WWTR1: variants seen among roughly 807,000 people sequenced by gnomAD.
WWTR1 encodes WW domain-containing transcription regulator protein 1.
Under a neutral mutation model 40.1 loss-of-function variants are expected in WWTR1, and 13 were observed. The observed-to-expected ratio is 0.32, with a 90% CI of 0.21 to 0.52. The LOEUF (loss-of-function observed/expected upper bound fraction) is 0.52. WWTR1 is among the 20% of genes least tolerant of loss of function. WWTR1 has a pLI of 0.97. For missense variants in WWTR1, 436 were observed against 523.1 expected (o/e 0.83, Z 1.63); for synonymous variants, 230 against 210.1 (o/e 1.09, Z -0.82).
chr3:149,651,250 G>T (rs1712846394), intron 2 of WWTR1, among the ~76,000 whole-genome samples: 1 of 152,164 alleles, frequency 6.6e-6, no homozygotes, highest in South Asian at 2.1e-4. Flanking sequence ...GATAAAAAAG[G>T]ACTTGAAAAA....
chr3:149,563,323 C>T (rs560442956), intron 3 of WWTR1, among the ~76,000 whole-genome samples: 78 of 152,302 alleles, frequency 5.1e-4, no homozygotes, highest in Middle Eastern at 3.4e-3. Flanking sequence ...GAATTCGTCA[C>T]GGTTTAGGCT....
At chr3:149,689,284 G>C (rs1714742799) in intron 1 of WWTR1, among the ~76,000 whole-genome samples, 1 of 151,134 alleles carries the variant, frequency 6.6e-6, no homozygotes, top group Non-Finnish European at 1.5e-5. Context: ...GGGAGGCTGA[G>C]GCAGGAAGAT....
chr3:149,568,883 C>T (rs1210860733), intron 3 of WWTR1, among the ~76,000 whole-genome samples: 1 of 152,226 alleles, frequency 6.6e-6, no homozygotes, highest in African/African-American at 2.4e-5. Flanking sequence ...TCTCCTGCCT[C>T]AGCCTCCCGA....
At chr3:149,604,283 C>CCA (rs1267455801) in intron 2 of WWTR1, among the ~76,000 whole-genome samples, 1 of 152,136 alleles carries the variant, frequency 6.6e-6, no homozygotes, top group Non-Finnish European at 1.5e-5. Context: ...TGTGACAGGG[C>CCA]CACCCCCTCA....
intron 2 of WWTR1, among the ~76,000 whole-genome samples, chr3:149,578,592 A>G (rs1392746568): frequency 6.6e-6 from 1 of 152,194 alleles, no homozygotes; most frequent in African/African-American, 2.4e-5. Flanking sequence ...GGCAAAGATA[A>G]AAATCTTATC....
intron 3 of WWTR1, among the ~76,000 whole-genome samples, chr3:149,563,751 T>C (rs999371840): frequency 6.6e-6 from 1 of 152,130 alleles, no homozygotes; most frequent in Non-Finnish European, 1.5e-5. Flanking sequence ...TTTTGTTTTG[T>C]TTTGTTTTGC....
chr3:149,543,406 C>A (rs1736214723), intron 3 of WWTR1, among the ~76,000 whole-genome samples: 1 of 151,572 alleles, frequency 6.6e-6, no homozygotes, highest in Admixed American at 6.6e-5. Flanking sequence ...CATGGTGAAA[C>A]CCCATCTCTA....
intron 2 of WWTR1, among the ~76,000 whole-genome samples, chr3:149,594,950 C>CCTTTTTTTTTTT (rs1738915943): frequency 1.6e-5 from 1 of 61,772 alleles, no homozygotes; most frequent in African/African-American, 5.5e-5. Context: ...CTCTTTTTTA[C>CCTTTTTTTTTTT]TTTTTTTTTT....
At chr3:149,554,642 A>G (rs909819573) in intron 3 of WWTR1, among the ~76,000 whole-genome samples, 1 of 151,996 alleles carries the variant, frequency 6.6e-6, no homozygotes, top group African/African-American at 2.4e-5. Context: ...TATCCAGGGA[A>G]GTCTAGGGAA....
chr3:149,520,707 G>T lies in WWTR1; in HGVS notation c.*98C>A. On this transcript the variant is annotated 3_prime_UTR_variant, in exon 7 of 7. Transcript: ENST00000360632. ...GAGGGAGCACGAGTCATGGAGGCGG[G>T]AAGTGGTGCACCTGCAGACTTGCTC... The T allele has an allele frequency of 8.6e-7, 1 of 1,169,394 alleles. No individual in the cohort carries two copies. The highest frequency in any genetic ancestry group is 1.1e-6 in the Non-Finnish European group (1 of 874,242). 72.4% of individuals were successfully genotyped at this position (1,169,394 alleles called of 1,614,324 possible).
chr3:149,652,956 A>G (rs1430197152), intron 2 of WWTR1, among the ~76,000 whole-genome samples: 1 of 152,190 alleles, frequency 6.6e-6, no homozygotes, highest in Admixed American at 6.5e-5. Context: ...CCTCCTGTAT[A>G]TTGGATTTGT....
chr3:149,580,886 A>T (rs550318384), intron 2 of WWTR1, among the ~76,000 whole-genome samples: 5 of 152,366 alleles, frequency 3.3e-5, no homozygotes, highest in Non-Finnish European at 7.3e-5. Flanking sequence ...TGCTGGGATT[A>T]TAGGCGTGAG....
intron 2 of WWTR1, among the ~76,000 whole-genome samples, chr3:149,617,979 A>T (rs1332735026): frequency 1.3e-5 from 2 of 152,242 alleles, no homozygotes; most frequent in African/African-American, 4.8e-5. Flanking sequence ...ATCTGGAAGG[A>T]TGTATACCAA....
intron 2 of WWTR1, among the ~76,000 whole-genome samples, chr3:149,577,626 C>T (rs1296670927): frequency 3.3e-5 from 5 of 152,122 alleles, no homozygotes; most frequent in Admixed American, 6.6e-5. Flanking sequence ...AAGGTCACCA[C>T]GTCTCTGAGA....
chr3:149,610,433 A>C (rs2108066385), intron 2 of WWTR1, among the ~76,000 whole-genome samples: 1 of 152,268 alleles, frequency 6.6e-6, no homozygotes, highest in East Asian at 1.9e-4. Context: ...TACATCATGA[A>C]CCCAGCTCTT....
chr3:149,542,724 C>T (rs1371445213), intron 3 of WWTR1, among the ~76,000 whole-genome samples, 187 bp from the exon 4 acceptor site: 1 of 152,164 alleles, frequency 6.6e-6, no homozygotes, highest in Non-Finnish European at 1.5e-5. Flanking sequence ...CGAATACTGG[C>T]CCCAATCCTG....
chr3:149,633,997 A>G lies in WWTR1; in HGVS notation c.431+22879T>C, dbSNP rs376770261. On this transcript the variant is annotated intron_variant, in intron 2 of 6. Coordinates refer to ENST00000360632, the MANE Select transcript of WWTR1 (RefSeq NM_015472.6). The stretch of plus-strand genomic sequence containing the variant: ...AGATTAGCCTGGCTGTGGTGTGCAA[A>G]GGACTGAAGTCAGAGGCTAGTGTGC... Among the ~76,000 whole-genome samples, 65 of 152,302 alleles carry G rather than the reference A, an allele frequency of 4.3e-4. No individual in the cohort carries two copies. In the South Asian group the frequency reaches 0.013, roughly 31 times the overall value.
At chr3:149,632,668 G>T (rs1189629323) in intron 2 of WWTR1, among the ~76,000 whole-genome samples, 1 of 152,136 alleles carries the variant, frequency 6.6e-6, no homozygotes, top group African/African-American at 2.4e-5. Context: ...ACCAACAAAT[G>T]AATGGATAAA....
chr3:149,675,374 T>A (rs1324575830), intron 1 of WWTR1, among the ~76,000 whole-genome samples: 4 of 152,224 alleles, frequency 2.6e-5, no homozygotes, highest in African/African-American at 9.6e-5. Context: ...CATCTGAACA[T>A]TGGAGTATCT....
Sources: gnomAD v4.1 joint callset for allele counts (sites outside exome capture counted in the v4.1 genomes callset) on GRCh38, gnomAD v4.1.1 for gene constraint, MANE v1.5 for transcripts, NCBI Gene and HGNC (gene_info 2026-07-23, HGNC 2026-07-21) for gene names.